The following TCF20 variants were observed in gnomAD, a reference collection of about 807,000 sequenced individuals.
TCF20 encodes transcription factor 20, also known as SPRE-binding protein.
TCF20 carries 3 observed loss-of-function variants against 148.6 expected under a neutral mutation model. That is an observed-to-expected ratio of 0.02 (90% CI 0.01 to 0.05). The LOEUF (loss-of-function observed/expected upper bound fraction) is 0.05. Among genes scored for constraint, TCF20 ranks in the 10% least tolerant of loss-of-function variants. The pLI is 1.00. For missense variants in TCF20, 2,350 were observed against 2,429.3 expected (o/e 0.97, Z 0.69); for synonymous variants, 1,049 against 909.5 (o/e 1.15, Z -2.76).
chr22:42,210,650 T>C lies in TCF20; in HGVS notation c.4656A>G (p.Lys1552=), dbSNP rs1186952413. The change falls in exon 2 of 6, where the codon AAA becomes AAG. Residue 1552 remains lysine (K), a synonymous_variant. Transcript: ENST00000677622. This position sits in a 1 kb window ranked among gnomAD's most constrained non-coding sequence, Gnocchi z 4.7. ...GGGGTGGAGGCGGTGGCTGCTGCTGTTTCTTTTGCTTATTCACACTACCAA... is the reference window on the plus strand; with the variant it reads ...GGGGTGGAGGCGGTGGCTGCTGCTGCTTCTTTTGCTTATTCACACTACCAA... ...RPIGSVNKQK[K]QQQPPPPPPQ... is the part of the protein sequence containing the mutation. The C allele has an allele frequency of 1.9e-6, 3 of 1,613,960 alleles. No individual in the cohort carries two copies. Among genetic ancestry groups the C allele is most frequent in the Non-Finnish European group, 2.5e-6 (3 of 1,179,970 alleles).
intron 2 of TCF20, among the ~76,000 whole-genome samples, chr22:42,209,349 TA>T (rs1333001898): frequency 6.6e-6 from 1 of 152,216 alleles, no homozygotes; most frequent in African/African-American, 2.4e-5. Flanking sequence ...CAGGATAAGT[TA>T]TGAAACAGAT....
intron 1 of TCF20, among the ~76,000 whole-genome samples, chr22:42,219,855 CAATA>C (rs1165226804): frequency 1.3e-5 from 2 of 152,124 alleles, no homozygotes; most frequent in South Asian, 2.1e-4. Flanking sequence ...GATTCCGTCT[CAATA>C]AATAAATAAA....
chr22:42,255,125 T>C (rs966534417), intron 1 of TCF20, among the ~76,000 whole-genome samples: 4 of 152,062 alleles, frequency 2.6e-5, no homozygotes, highest in African/African-American at 4.8e-5. Context: ...AATAACACTA[T>C]CTCCTAACTT....
At chr22:42,231,737 G>A (rs1601630952) in intron 1 of TCF20, among the ~76,000 whole-genome samples, 1 of 151,960 alleles carries the variant, frequency 6.6e-6, no homozygotes, top group East Asian at 1.9e-4. Flanking sequence ...AGACCATCCT[G>A]GCTAATACGG....
intron 1 of TCF20, among the ~76,000 whole-genome samples, chr22:42,240,391 C>G (rs1161592315): frequency 6.6e-6 from 1 of 152,186 alleles, no homozygotes; most frequent in African/African-American, 2.4e-5. Context: ...AATAGTATCA[C>G]TCACCATATG....
At position 42,202,260 on chromosome 22, in the gene TCF20, G is replaced by A. The variant is rs576466373; in HGVS notation, c.5655+7391C>T. On this transcript the variant is annotated intron_variant, in intron 2 of 5. Coordinates refer to ENST00000677622, the MANE Select transcript of TCF20 (RefSeq NM_001378418.1). ...ATGAGGGAGGACACCATCTGAGGGC[G>A]GTCACCAGTCTGCAGCTTGCATTTC... Among the ~76,000 whole-genome samples the A allele has an allele frequency of 4.9e-4, 75 of 152,296 alleles. 1 individual carries two copies. The highest frequency in any genetic ancestry group is 3.4e-3 in the Middle Eastern group (1 of 294).
intron 1 of TCF20, among the ~76,000 whole-genome samples, chr22:42,316,992 C>G (rs1211232196): frequency 1.3e-5 from 2 of 152,190 alleles, no homozygotes; most frequent in African/African-American, 4.8e-5. Flanking sequence ...CTTCCTTACC[C>G]CTTTGCTGCC....
intron 2 of TCF20, among the ~76,000 whole-genome samples, chr22:42,188,883 A>G (rs1459684096): frequency 1.3e-5 from 2 of 152,258 alleles, no homozygotes; most frequent in Non-Finnish European, 1.5e-5. Context: ...AGCAAAATTT[A>G]AACAGTGATG....
chr22:42,195,546 G>C (rs28407496), intron 2 of TCF20, among the ~76,000 whole-genome samples: 90 of 149,726 alleles, frequency 6.0e-4, no homozygotes, highest in African/African-American at 2.1e-3. Context: ...TGTCACCCAG[G>C]CTGGAGTGCA....
rs556423263 is a variant in TCF20 at position 42,279,448 on chromosome 22, G to A, written c.-37+4379C>T. On this transcript the variant is annotated intron_variant, in intron 1 of 5. Coordinates refer to the TCF20 transcript ENST00000359486. The surrounding 1 kb of genome is among the most constrained non-coding windows in gnomAD (Gnocchi z 4.3). ...GCAGAGATTGCGCCACTGCACTCCA[G>A]TCTGGGCAACAGAGCGACTCCCTCT... Among the ~76,000 whole-genome samples the A allele has an allele frequency of 6.6e-6, 1 of 152,304 alleles. No homozygotes were observed. Among genetic ancestry groups the A allele is most frequent in the South Asian group, 2.1e-4 (1 of 4,826 alleles).
intron 1 of TCF20, among the ~76,000 whole-genome samples, chr22:42,296,627 G>C (rs542709659): frequency 1.3e-5 from 2 of 152,160 alleles, no homozygotes; most frequent in African/African-American, 4.8e-5. Flanking sequence ...CACAGTGCCC[G>C]AGCTGTCAGC....
chr22:42,327,388 C>T (rs1927893471), intron 1 of TCF20, among the ~76,000 whole-genome samples: 1 of 152,164 alleles, frequency 6.6e-6, no homozygotes, highest in African/African-American at 2.4e-5. Flanking sequence ...CCATGAACTC[C>T]CCCTCCCCCA....
intron 1 of TCF20, among the ~76,000 whole-genome samples, chr22:42,257,184 G>A (rs899193276): frequency 2.0e-5 from 3 of 152,098 alleles, no homozygotes; most frequent in Non-Finnish European, 4.4e-5. Context: ...AACCCTCCAG[G>A]AGAAATACCC....
At chr22:42,307,715 C>T (rs938949666) in intron 1 of TCF20, among the ~76,000 whole-genome samples, 8 of 152,362 alleles carry the variant, frequency 5.3e-5, no homozygotes, top group South Asian at 4.1e-4. Flanking sequence ...CAGCGGAAGA[C>T]GAGGCCTCCT....
chr22:42,209,829 G>A lies in TCF20; in HGVS notation c.5477C>T (p.Pro1826Leu). The A allele has an allele frequency of 6.2e-7, 1 of 1,614,186 alleles. No homozygotes were observed. The highest frequency in any genetic ancestry group is 8.5e-7 in the Non-Finnish European group (1 of 1,180,036). Residue 1826 changes from proline to leucine, a missense_variant, in exon 2 of 6, where the codon CCC (proline) becomes CTC (leucine). By Grantham distance (98) the Pro-to-Leu change is moderately conservative. Around this residue, in one of 7 missense-constraint regions of TCF20, gnomAD observed 374 missense variants for 398.3 expected, o/e 0.94. Transcript: ENST00000677622. Reference protein sequence around the residue: ...SSEKTVLDSKPSVPTTSEGGP... With the variant: ...SSEKTVLDSKLSVPTTSEGGP... ...ACCTTCTGAAGTGGTGGGCACGGAG[G>A]GCTTCGAGTCCAAAACAGTCTTTTC...
chr22:42,288,814 A>G (rs1927081850), upstream of TCF20, among the ~76,000 whole-genome samples: 1 of 151,740 alleles, frequency 6.6e-6, no homozygotes, highest in South Asian at 2.1e-4. Flanking sequence ...GGCTGGCACA[A>G]CGTTGCCATT....
intron 1 of TCF20, among the ~76,000 whole-genome samples, chr22:42,335,476 C>T (rs1008100002): frequency 6.6e-6 from 1 of 152,226 alleles, no homozygotes. Flanking sequence ...CTCTCCCCAT[C>T]CCACCCCCAA....
chr22:42,202,592 CTTGA>C (rs2147169287), intron 2 of TCF20, among the ~76,000 whole-genome samples: 1 of 152,326 alleles, frequency 6.6e-6, no homozygotes, highest in South Asian at 2.1e-4. Flanking sequence ...GTTTAGCTGC[CTTGA>C]TTTTCTCTTC....
intron 2 of TCF20, among the ~76,000 whole-genome samples, chr22:42,206,543 T>G (rs887085564): frequency 1.3e-5 from 2 of 152,176 alleles, no homozygotes; most frequent in African/African-American, 4.8e-5. Context: ...ATTTTGTACT[T>G]GAGGGTCTTA....
Sources: gnomAD v4.1 joint callset for allele counts (sites outside exome capture counted in the v4.1 genomes callset) on GRCh38, gnomAD v4.1.1 for gene constraint, gnomAD v4.1.1 regional missense constraint, Gnocchi (gnomAD v3.1) non-coding constraint, MANE v1.5 for transcripts, NCBI Gene and HGNC (gene_info 2026-07-23, HGNC 2026-07-21) for gene names.